Variants in PFKFB3 observed in about 807,000 individuals in gnomAD.
The protein encoded by PFKFB3 is 6-phosphofructo-2-kinase/fructose-2,6-biphosphatase 3.
A neutral mutation model predicts 68.0 loss-of-function variants in PFKFB3; 33 were observed. The ratio of observed to expected loss-of-function variants is 0.49; its 90% CI spans 0.37 to 0.65. The LOEUF is 0.65. PFKFB3 is among the 30% of genes least tolerant of loss of function. The pLI, the probability that PFKFB3 is intolerant of heterozygous loss-of-function variation, is 0.00. For missense variants in PFKFB3, 586 were observed against 712.2 expected, an observed-to-expected ratio of 0.82 and a Z score of 2.02; for synonymous variants, 315 against 288.2, an observed-to-expected ratio of 1.09 and a Z score of -0.94.
In PFKFB3 at chr10:6,233,119, G is replaced by T; in HGVS notation, c.*177G>T. ...ACCGTCTGTGTCCCCTCGGCCGCTG[G>T]ACACCAGAAAGCCACGTGGGTCCCT... On this transcript the variant is annotated 3_prime_UTR_variant, in exon 15 of 15. Coordinates refer to ENST00000379775, the MANE Select transcript of PFKFB3 (RefSeq NM_004566.4). The T allele has an allele frequency of 1.7e-6, 1 of 595,704 alleles. No homozygotes were observed. 36.9% of individuals were successfully genotyped at this position (595,704 alleles called of 1,614,324 possible).
Position 6,220,995 on chromosome 10 carries a change from C to T in PFKFB3, c.831+130C>T. On this transcript the variant is annotated intron_variant, in intron 8 of 14. Transcript: ENST00000379775. The surrounding 1 kb of genome is among the most constrained non-coding windows in gnomAD (Gnocchi z 4.1). Reference sequence around the variant, plus strand: ...TTGGTGTGCTTGCTGTGTGTGTTATCTGTGTGTGCGCCTGCACGTCTCTAT... The same window carrying T: ...TTGGTGTGCTTGCTGTGTGTGTTATTTGTGTGTGCGCCTGCACGTCTCTAT... The T allele has an allele frequency of 2.3e-6, 2 of 883,008 alleles. No individual in the cohort carries two copies. The highest frequency in any genetic ancestry group is 2.3e-4 in the Middle Eastern group (1 of 4,444). 54.7% of individuals were successfully genotyped at this position (883,008 alleles called of 1,614,324 possible). A position where few individuals can be genotyped will look rare whatever the true frequency, so the allele number is the denominator to read the frequency against.
At chr10:6,264,430 A>G in the PFKFB3 span, among the ~76,000 whole-genome samples, 10 of 152,250 alleles carry the variant, frequency 6.6e-5, no homozygotes, top group Admixed American at 1.3e-4. Context: ...AACTTTGGGA[A>G]GAACTGATAT....
intron 1 of PFKFB3, among the ~76,000 whole-genome samples, chr10:6,145,844 C>T (rs566123290): frequency 6.6e-6 from 1 of 152,246 alleles, no homozygotes; most frequent in East Asian, 1.9e-4. Context: ...CCTGGTGTTC[C>T]TACCCGCACC....
upstream of PFKFB3, among the ~76,000 whole-genome samples, chr10:6,200,213 C>T (rs681699): frequency 0.91 from 137,929 of 152,096 alleles, 62,844 homozygotes; most frequent in East Asian, 0.99. Context: ...TCTAGGACCA[C>T]GACCTAGGAG....
intron 13 of PFKFB3, chr10:6,225,128 T>TTG: frequency 2.2e-6 from 1 of 456,290 alleles, no homozygotes; most frequent in Middle Eastern, 3.3e-4. Flanking sequence ...TGGACGCGTG[T>TTG]TGTGAAAGTG....
intron 10 of PFKFB3, among the ~76,000 whole-genome samples, chr10:6,222,396 T>C (rs1351274801): frequency 3.3e-5 from 5 of 152,378 alleles, no homozygotes; most frequent in African/African-American, 9.6e-5. Context: ...GTTAAAGTTA[T>C]GATTTAGTGC....
rs1841609349 is a variant in PFKFB3, at chr10:6,152,026, T to C, written c.16+7013T>C. On this transcript the variant is annotated intron_variant, in intron 1 of 14. Transcript: ENST00000379789. ...AAATTCTGATTTGATAGTTTCTGCC[T>C]TGATGCCTAGACAAAAAATGTCCTG... Among the ~76,000 whole-genome samples the C allele has an allele frequency of 2.0e-5, 3 of 151,884 alleles. No homozygotes were observed. In the South Asian group the frequency reaches 6.2e-4, roughly 32 times the overall value.
the PFKFB3 span, among the ~76,000 whole-genome samples, chr10:6,313,448 G>A: frequency 1.3e-5 from 2 of 152,160 alleles, no homozygotes; most frequent in Non-Finnish European, 2.9e-5. The surrounding 1 kb of genome is among the most constrained non-coding windows in gnomAD (Gnocchi z 4.2). Context: ...CAGTGTGACC[G>A]GTTGTCTCCT....
chr10:6,231,354 T>C (rs372390343), intron 14 of PFKFB3: 201 of 1,611,520 alleles, frequency 1.2e-4, no homozygotes, highest in Non-Finnish European at 1.6e-4. Flanking sequence ...CCGCACCGCG[T>C]CACGGCATCT....
At chr10:6,204,344 C>T (rs1365741801) in intron 1 of PFKFB3, among the ~76,000 whole-genome samples, 1 of 152,276 alleles carries the variant, frequency 6.6e-6, no homozygotes, top group Non-Finnish European at 1.5e-5. Flanking sequence ...GATCCAGGTG[C>T]AAACTCTCGA....
downstream of PFKFB3, among the ~76,000 whole-genome samples, chr10:6,254,811 T>TC (rs1846467295): frequency 1.1e-5 from 1 of 92,784 alleles, no homozygotes; most frequent in Admixed American, 1.2e-4. Context: ...TTCTGTTCTT[T>TC]TTTTTTTTTT....
chr10:6,145,069 C>G, intron 1 of PFKFB3: 2 of 1,275,552 alleles, frequency 1.6e-6, no homozygotes, highest in Non-Finnish European at 2.0e-6. Context: ...ACCTGAGCGG[C>G]CGCCTGTGGG....
intron 14 of PFKFB3, among the ~76,000 whole-genome samples, chr10:6,227,422 C>T (rs897548135): frequency 6.6e-6 from 1 of 152,210 alleles, no homozygotes; most frequent in Non-Finnish European, 1.5e-5. Flanking sequence ...CCTGCCACCT[C>T]TTCCCGCCTT....
chr10:6,240,076 T>C (rs1231954051), downstream of PFKFB3, among the ~76,000 whole-genome samples: 3 of 152,178 alleles, frequency 2.0e-5, no homozygotes, highest in African/African-American at 7.2e-5. Flanking sequence ...ACTGAGAAGT[T>C]TGCTTACATT....
the PFKFB3 span, among the ~76,000 whole-genome samples, chr10:6,267,828 G>C: frequency 6.6e-6 from 1 of 151,540 alleles, no homozygotes; most frequent in Non-Finnish European, 1.5e-5. Flanking sequence ...GGTGGCGGGC[G>C]CCTGTAGTCC....
chr10:6,225,050 G>T (rs76075200), intron 13 of PFKFB3: 26 of 450,978 alleles, frequency 5.8e-5, no homozygotes, highest in African/African-American at 3.8e-4. Context: ...GTCTACCTTG[G>T]GGGGAGGCCT....
chr10:6,222,698 C>G (rs1442382833), intron 10 of PFKFB3, 157 bp from the exon 11 acceptor site: 18 of 713,958 alleles, frequency 2.5e-5, no homozygotes, highest in East Asian at 2.3e-4. Context: ...TGTGGCTGAG[C>G]AATAGTCCAC....
the PFKFB3 span, among the ~76,000 whole-genome samples, chr10:6,262,019 C>CAAAAAAAAAAAAAA: frequency 6.9e-6 from 1 of 144,692 alleles, no homozygotes; most frequent in Non-Finnish European, 1.5e-5. Flanking sequence ...AAACAAAAAA[C>CAAAAAAAAAAAAAA]AAAAAAAAAA....
the PFKFB3 span, among the ~76,000 whole-genome samples, chr10:6,290,059 C>G: frequency 1.3e-5 from 2 of 152,036 alleles, no homozygotes; most frequent in Non-Finnish European, 2.9e-5. Flanking sequence ...GATTTTGTAT[C>G]CTGAGACTTT....
Sources: gnomAD v4.1 joint callset for allele counts (sites outside exome capture counted in the v4.1 genomes callset) on GRCh38, gnomAD v4.1.1 for gene constraint, Gnocchi (gnomAD v3.1) non-coding constraint, MANE v1.5 for transcripts, NCBI Gene and HGNC (gene_info 2026-07-23, HGNC 2026-07-21) for gene names.